The following PTPRM variants were observed in gnomAD, a reference collection of about 807,000 sequenced individuals.
PTPRM encodes the protein protein tyrosine phosphatase receptor type M, also known as receptor-type tyrosine-protein phosphatase mu.
A neutral mutation model predicts 186.7 loss-of-function variants in PTPRM; 47 were observed. The ratio of observed to expected loss-of-function variants is 0.25; its 90% CI spans 0.20 to 0.32. PTPRM has a LOEUF of 0.32. Ranked by LOEUF, PTPRM falls within the 10% of genes least tolerant of loss-of-function variation. PTPRM has a pLI of 1.00. For missense variants in PTPRM, 1,494 were observed against 1,865.0 expected, an observed-to-expected ratio of 0.80 and a Z score of 3.66; for synonymous variants, 668 against 674.9, an observed-to-expected ratio of 0.99 and a Z score of 0.16.
Position 8,230,616 on chromosome 18 carries a change from G to T in PTPRM, c.2301-13442G>T, listed in dbSNP as rs4296317. Among the ~76,000 whole-genome samples, 72 of 152,326 alleles carry T rather than the reference G, an allele frequency of 4.7e-4. 3 individuals carry two copies. The South Asian group carries it at 0.014, about 30-fold the overall frequency. ...ATGGCAGTTTCCTCATTGGGCTTTT[G>T]TAAGAGTTAAACGAATTAATGAACA... On this transcript the variant is annotated intron_variant, in intron 14 of 32. Transcript: ENST00000580170.
chr18:8,119,886 T>A lies in PTPRM; in HGVS notation c.2167+5059T>A, dbSNP rs562938979. Among the ~76,000 whole-genome samples the A allele has an allele frequency of 7.2e-5, 11 of 152,216 alleles. No individual in the cohort carries two copies. In the East Asian group the frequency reaches 1.9e-3, roughly 27 times the overall value. ...TGGAATTTCTGTCTTTATTCCAATTTTATACTTTGAAGACAATATCTGGAG... is the reference window on the plus strand; with the variant it reads ...TGGAATTTCTGTCTTTATTCCAATTATATACTTTGAAGACAATATCTGGAG... On this transcript the variant is annotated intron_variant, in intron 13 of 32. Coordinates refer to ENST00000580170, the MANE Select transcript of PTPRM (RefSeq NM_001105244.2).
intron 14 of PTPRM, among the ~76,000 whole-genome samples, chr18:8,242,311 TGAG>T (rs1207433763): frequency 6.6e-6 from 1 of 152,226 alleles, no homozygotes; most frequent in East Asian, 1.9e-4. Context: ...TCAGTGTTCC[TGAG>T]GAGACCTGGC....
intron 31 of PTPRM, among the ~76,000 whole-genome samples, chr18:8,392,474 A>C (rs540544958): frequency 6.6e-6 from 1 of 152,202 alleles, no homozygotes; most frequent in Non-Finnish European, 1.5e-5. Context: ...AAAATACAAA[A>C]AAATTAGCCG....
intron 32 of PTPRM, among the ~76,000 whole-genome samples, chr18:8,399,017 A>G (rs1750820410): frequency 6.6e-6 from 1 of 152,224 alleles, no homozygotes; most frequent in Non-Finnish European, 1.5e-5. Context: ...GAACTGTGTT[A>G]AAGTACAAAA....
intron 13 of PTPRM, among the ~76,000 whole-genome samples, chr18:8,120,784 G>A (rs918930657): frequency 1.8e-4 from 27 of 151,978 alleles, no homozygotes; most frequent in South Asian, 6.2e-4. Context: ...TGTGAACCAC[G>A]GCACCTGGCC....
chr18:8,375,602 C>T (rs1258603773), intron 24 of PTPRM, among the ~76,000 whole-genome samples: 4 of 152,144 alleles, frequency 2.6e-5, no homozygotes, highest in South Asian at 4.1e-4. Context: ...ACCAGGATGC[C>T]GGAAAGCCCC....
At chr18:8,278,242 A>G (rs1359722495) in intron 19 of PTPRM, among the ~76,000 whole-genome samples, 1 of 152,254 alleles carries the variant, frequency 6.6e-6, no homozygotes, top group Non-Finnish European at 1.5e-5. Flanking sequence ...TTGGGGAGCA[A>G]TGCAAAGTAT....
intron 3 of PTPRM, among the ~76,000 whole-genome samples, chr18:7,888,708 C>T (rs575995862): frequency 5.3e-5 from 8 of 151,924 alleles, no homozygotes; most frequent in Non-Finnish European, 8.8e-5. Flanking sequence ...TTCATAATAG[C>T]AAAGACATGG....
At chr18:7,675,756 A>T (rs1256311632) in intron 1 of PTPRM, among the ~76,000 whole-genome samples, 1 of 146,422 alleles carries the variant, frequency 6.8e-6, no homozygotes, top group African/African-American at 2.6e-5. Flanking sequence ...TTTTTTTGAG[A>T]CAGAGTCCCA....
chr18:8,248,476 C>A lies in PTPRM; in HGVS notation c.2554+300C>A, dbSNP rs2094498044. The A allele has an allele frequency of 8.7e-6, 4 of 459,922 alleles. No individual in the cohort carries two copies. The East Asian group carries it at 1.8e-4, about 20-fold the overall frequency. 28.5% of individuals were successfully genotyped at this position (459,922 alleles called of 1,614,324 possible). The stretch of plus-strand genomic sequence containing the variant: ...TCAGAATTTAAAGTTAGGTCTGATC[C>A]CAGGGGAAAAAAACAAGGTGTCATC... On this transcript the variant is annotated intron_variant, in intron 17 of 32. Coordinates refer to ENST00000580170, the MANE Select transcript of PTPRM (RefSeq NM_001105244.2).
At chr18:8,377,610 C>T (rs539854859) in intron 26 of PTPRM, 2 of 151,674 alleles carry the variant, frequency 1.3e-5, no homozygotes, top group South Asian at 2.1e-4. Flanking sequence ...TAGAAAAAAC[C>T]GAATTAACTG....
chr18:8,085,620 A>G (rs779633913), intron 9 of PTPRM, 51 bp from the exon 10 acceptor site: 1 of 1,471,590 alleles, frequency 6.8e-7, no homozygotes, highest in South Asian at 1.1e-5. Flanking sequence ...TAAAGATGCA[A>G]TCTGAGTCCA....
At chr18:8,263,614 A>T (rs546589810) in intron 19 of PTPRM, among the ~76,000 whole-genome samples, 2 of 152,286 alleles carry the variant, frequency 1.3e-5, no homozygotes, top group East Asian at 1.9e-4. Flanking sequence ...TAGCCTCAGG[A>T]TGGGGTGGGT....
chr18:7,992,799 C>T lies in PTPRM; in HGVS notation c.1132+37385C>T, dbSNP rs374688383. Among the ~76,000 whole-genome samples the T allele has an allele frequency of 1.2e-3, 190 of 152,014 alleles. 4 individuals carry two copies. In the South Asian group the frequency reaches 0.039, roughly 31 times the overall value. On this transcript the variant is annotated intron_variant, in intron 7 of 32. Transcript: ENST00000580170. ...ACATCACCAACCTTCAAAATAAAGA[C>T]CCAAAAACCTTCTAATGTTAAATAT... is the stretch of plus-strand genomic sequence containing the variant.
intron 5 of PTPRM, among the ~76,000 whole-genome samples, chr18:7,934,845 G>A (rs1190513237): frequency 6.6e-6 from 1 of 152,124 alleles, no homozygotes; most frequent in East Asian, 1.9e-4. Flanking sequence ...ATGCATGTTT[G>A]GTACTGCAGA....
chr18:7,613,072 T>G (rs571911944), intron 1 of PTPRM, among the ~76,000 whole-genome samples: 2 of 152,144 alleles, frequency 1.3e-5, no homozygotes, highest in South Asian at 4.1e-4. Flanking sequence ...ACTGTAGTGT[T>G]TATCCACTTG....
intron 2 of PTPRM, among the ~76,000 whole-genome samples, chr18:7,788,638 G>A (rs73939375): frequency 0.012 from 1,831 of 152,262 alleles, 35 homozygotes; most frequent in African/African-American, 0.041. Context: ...AACATGTTTT[G>A]AAAGACTTGA....
At chr18:7,805,719 A>G (rs1282371658) in intron 2 of PTPRM, among the ~76,000 whole-genome samples, 1 of 152,192 alleles carries the variant, frequency 6.6e-6, no homozygotes, top group East Asian at 1.9e-4. Flanking sequence ...TGTATACAGA[A>G]CTGAGTACTA....
At chr18:8,178,232 T>C (rs1217005437) in intron 14 of PTPRM, among the ~76,000 whole-genome samples, 1 of 152,200 alleles carries the variant, frequency 6.6e-6, no homozygotes, top group Non-Finnish European at 1.5e-5. Flanking sequence ...ATCATTGGTT[T>C]GTTCACAGGA....
Sources: gnomAD v4.1 joint callset for allele counts (sites outside exome capture counted in the v4.1 genomes callset) on GRCh38, gnomAD v4.1.1 for gene constraint, MANE v1.5 for transcripts, NCBI Gene and HGNC (gene_info 2026-07-23, HGNC 2026-07-21) for gene names.